Variants in SIRT1 observed in about 807,000 individuals in gnomAD.
SIRT1 encodes the protein NAD-dependent protein deacetylase sirtuin-1.
A neutral mutation model predicts 67.9 loss-of-function variants in SIRT1; 24 were observed. The observed-to-expected ratio is 0.35, with a 90% CI of 0.26 to 0.50. SIRT1 has a LOEUF of 0.50. Ranked by LOEUF, SIRT1 falls within the 20% of genes least tolerant of loss-of-function variation. SIRT1 has a pLI of 0.98. For synonymous variants in SIRT1, 378 were observed against 350.7 expected (o/e 1.08, Z -0.87); for missense variants, 873 against 937.2 (o/e 0.93, Z 0.89).
chr10:67,896,329 GA>G (rs1308199062), intron 4 of SIRT1, among the ~76,000 whole-genome samples: 1 of 152,070 alleles, frequency 6.6e-6, no homozygotes, highest in Non-Finnish European at 1.5e-5. Context: ...TTTCTTTGTA[GA>G]GTCAAGTTCT....
chr10:67,891,204 G>A (rs1200553086), intron 3 of SIRT1, among the ~76,000 whole-genome samples, 198 bp from the exon 4 acceptor site: 1 of 152,092 alleles, frequency 6.6e-6, no homozygotes, highest in Non-Finnish European at 1.5e-5. Context: ...GATGGAATAT[G>A]AGGTATGTTT....
In SIRT1 at chr10:67,900,239, G is replaced by A. The variant is rs191060253; in HGVS notation, c.943-6551G>A. 4.6e-5 allele frequency among the ~76,000 whole-genome samples: 7 copies of A among 151,926 alleles called. No individual in the cohort carries two copies. The South Asian group carries it at 6.3e-4, about 14-fold the overall frequency. On this transcript the variant is annotated intron_variant, in intron 4 of 8. Coordinates refer to ENST00000212015, the MANE Select transcript of SIRT1 (RefSeq NM_012238.5). ...TGGCTCACTGCAACCTCTGCCTCCC[G>A]GGTTCAAGTGATTCTCCCGCTTCAG...
rs1564883078 is a variant in SIRT1 at position 67,888,863 on chromosome 10, C to T, written c.548-19C>T. The T allele has an allele frequency of 3.2e-6, 5 of 1,575,288 alleles. No homozygotes were observed. On this transcript the variant is annotated intron_variant, in intron 2 of 8. Transcript: ENST00000212015. ...ATTACTTGATAAGTTGACTTTAAGC[C>T]TTTTCCCCCTTATTGTAGGTCCATA...
intron 7 of SIRT1, among the ~76,000 whole-genome samples, chr10:67,910,036 T>C (rs1842875946): frequency 6.6e-6 from 1 of 151,968 alleles, no homozygotes; most frequent in South Asian, 2.1e-4. Flanking sequence ...GGTGGCATTG[T>C]TCATTGAGAC....
chr10:67,916,143 A>G lies in SIRT1; in HGVS notation c.1916-122A>G, dbSNP rs986261712. The G allele has an allele frequency of 8.2e-6, 7 of 850,090 alleles. No individual in the cohort carries two copies. The African/African-American group carries it at 1.0e-4, about 12-fold the overall frequency. 52.7% of individuals were successfully genotyped at this position (850,090 alleles called of 1,614,324 possible). A position where few individuals can be genotyped will look rare whatever the true frequency, so the allele number is the denominator to read the frequency against. On this transcript the variant is annotated intron_variant, in intron 8 of 8. Coordinates refer to ENST00000212015, the MANE Select transcript of SIRT1 (RefSeq NM_012238.5). ...CTCCCAGTTGTTTTTAAACACTAAT[A>G]GTAGTCTTTCATAAGGACACTTATA... is the stretch of plus-strand genomic sequence containing the variant.
intron 4 of SIRT1, among the ~76,000 whole-genome samples, chr10:67,895,617 A>T (rs1471555032): frequency 1.3e-5 from 2 of 151,842 alleles, no homozygotes; most frequent in Non-Finnish European, 2.9e-5. Context: ...TGAAAAGGAA[A>T]TATTGGTGAA....
chr10:67,911,147 T>C (rs1233424252), intron 7 of SIRT1, among the ~76,000 whole-genome samples: 1 of 152,260 alleles, frequency 6.6e-6, no homozygotes, highest in Non-Finnish European at 1.5e-5. Context: ...CTCTTTGTTC[T>C]TGAGTTGCTC....
intron 8 of SIRT1, among the ~76,000 whole-genome samples, chr10:67,914,858 C>T (rs912972095): frequency 1.3e-5 from 2 of 149,468 alleles, no homozygotes; most frequent in Admixed American, 6.7e-5. Context: ...AGACCACAGG[C>T]GCATGCCCTC....
At chr10:67,910,798 T>A (rs1442312072) in intron 7 of SIRT1, among the ~76,000 whole-genome samples, 4 of 152,202 alleles carry the variant, frequency 2.6e-5, no homozygotes, top group African/African-American at 9.6e-5. Flanking sequence ...TCATATATAT[T>A]CTCATACTGT....
intron 8 of SIRT1, among the ~76,000 whole-genome samples, chr10:67,913,327 C>CTT (rs1842928248): frequency 6.6e-6 from 1 of 152,122 alleles, no homozygotes; most frequent in African/African-American, 2.4e-5. Context: ...AGGTCAGCTG[C>CTT]TTTACATATG....
At chr10:67,906,666 A>C in intron 4 of SIRT1, 124 bp from the exon 5 acceptor site, 1 of 997,012 alleles carries the variant, frequency 1.0e-6, no homozygotes, top group Non-Finnish European at 1.5e-6. Flanking sequence ...AGATACTTTA[A>C]AATGCTCATC....
In SIRT1 at chr10:67,909,263, C is replaced by T; in HGVS notation, c.1178C>T (p.Pro393Leu). Residue 393 changes from proline (P) to leucine (L), a missense_variant, in exon 7 of 9, where the codon CCT (proline) becomes CTT (leucine). Physicochemically the swap from Pro to Leu is moderately conservative, Grantham distance 98. Coordinates refer to ENST00000212015, the MANE Select transcript of SIRT1 (RefSeq NM_012238.5). The stretch of plus-strand genomic sequence containing the variant: ...AAATCTGAAAATATGTAGGTAGTTC[C>T]TCGATGTCCTAGGTGCCCAGCTGAT... ...VRGDIFNQVVPRCPRCPADEP... is the reference protein window; with the variant it reads ...VRGDIFNQVVLRCPRCPADEP... The T allele has an allele frequency of 6.3e-7, 1 of 1,592,448 alleles. No homozygotes were observed.
Position 67,888,994 on chromosome 10 carries a change from G to A in SIRT1, c.660G>A (p.Leu220=), listed in dbSNP as rs377405545. ...IPPPELDDMT[L]WQIVINILSE... ...CACCTGAGTTGGATGATATGACACT[G>A]TGGCAGATTGTTATTAATATCCTTT... is the stretch of plus-strand genomic sequence containing the variant. The change falls in exon 3 of 9, where the codon CTG becomes CTA. Residue 220 remains leucine, a synonymous_variant. Transcript: ENST00000212015. 6 of 1,613,818 alleles carry A rather than the reference G, an allele frequency of 3.7e-6. No individual in the cohort carries two copies. In the African/African-American group the frequency reaches 5.3e-5, roughly 14 times the overall value.
At chr10:67,905,961 G>A in intron 4 of SIRT1, 1 of 291,994 alleles carries the variant, frequency 3.4e-6, no homozygotes, top group African/African-American at 2.2e-5. Flanking sequence ...TGATAGATTA[G>A]AGCCTGTAAT....
chr10:67,915,833 G>A (rs1161697862), intron 8 of SIRT1, among the ~76,000 whole-genome samples: 1 of 151,972 alleles, frequency 6.6e-6, no homozygotes, highest in African/African-American at 2.4e-5. Flanking sequence ...TATTGAATAT[G>A]GTTTTCTACA....
At chr10:67,888,760 T>G in intron 2 of SIRT1, 122 bp from the exon 3 acceptor site, 1 of 1,063,312 alleles carries the variant, frequency 9.4e-7, no homozygotes, top group South Asian at 1.6e-5. Context: ...GAAATACCAT[T>G]AAATTGCATT....
chr10:67,890,040 T>A (rs1409428193), intron 3 of SIRT1, among the ~76,000 whole-genome samples: 1 of 151,222 alleles, frequency 6.6e-6, no homozygotes, highest in Non-Finnish European at 1.5e-5. Flanking sequence ...AGTGCAGTGG[T>A]GTCATCATGG....
intron 4 of SIRT1, among the ~76,000 whole-genome samples, chr10:67,893,246 G>A (rs1842601738): frequency 6.6e-6 from 1 of 152,152 alleles, no homozygotes; most frequent in African/African-American, 2.4e-5. Context: ...TGTCATCTAG[G>A]TTGTAAGCCC....
At chr10:67,888,743 C>T (rs769980749) in intron 2 of SIRT1, 139 bp from the exon 3 acceptor site, 18 of 902,756 alleles carry the variant, frequency 2.0e-5, no homozygotes, top group African/African-American at 1.0e-4. Context: ...CTGAGTGTAC[C>T]GAGAATGAAA....
Sources: gnomAD v4.1 joint callset for allele counts (sites outside exome capture counted in the v4.1 genomes callset) on GRCh38, gnomAD v4.1.1 for gene constraint, MANE v1.5 for transcripts, NCBI Gene and HGNC (gene_info 2026-07-23, HGNC 2026-07-21) for gene names.